Variants in UST observed in about 807,000 individuals in gnomAD.
UST encodes the protein chondroitin sulfate 2-O-sulfotransferase.
UST carries 21 observed loss-of-function variants against 45.6 expected under a neutral mutation model. The observed-to-expected ratio is 0.46, with a 90% confidence interval of 0.33 to 0.66. UST has a LOEUF of 0.66. UST is among the 30% of genes least tolerant of loss of function. The pLI, the probability that UST is intolerant of heterozygous loss-of-function variation, is 0.02. For missense variants in UST, 463 were observed against 512.4 expected, an observed-to-expected ratio of 0.90 and a Z score of 0.93; for synonymous variants, 215 against 200.6, an observed-to-expected ratio of 1.07 and a Z score of -0.61.
At chr6:148,835,056 C>T (rs1206615711) in intron 1 of UST, among the ~76,000 whole-genome samples, 2 of 152,090 alleles carry the variant, frequency 1.3e-5, no homozygotes, top group African/African-American at 2.4e-5. Flanking sequence ...GATCCCTATG[C>T]AATATACTAA....
chr6:148,781,059 C>G (rs928636151), intron 1 of UST, among the ~76,000 whole-genome samples: 4 of 152,068 alleles, frequency 2.6e-5, no homozygotes, highest in Non-Finnish European at 5.9e-5. Flanking sequence ...ACAATGGCCT[C>G]TAAGTGTTGA....
At chr6:148,813,980 G>A (rs1777311116) in intron 1 of UST, among the ~76,000 whole-genome samples, 1 of 152,056 alleles carries the variant, frequency 6.6e-6, no homozygotes, top group Non-Finnish European at 1.5e-5. Context: ...TCATTTTCAT[G>A]TCTGTAAAAA....
At chr6:148,948,943 A>C (rs1298331276) in intron 3 of UST, among the ~76,000 whole-genome samples, 2 of 152,210 alleles carry the variant, frequency 1.3e-5, no homozygotes, top group African/African-American at 4.8e-5. Context: ...GGCTTTAAGC[A>C]ACCAATGCAG....
intron 2 of UST, among the ~76,000 whole-genome samples, chr6:148,887,832 G>A (rs1778940197): frequency 6.6e-6 from 1 of 152,114 alleles, no homozygotes; most frequent in African/African-American, 2.4e-5. Flanking sequence ...CTTCAAGAAT[G>A]TTCTTTCTGG....
intron 7 of UST, among the ~76,000 whole-genome samples, chr6:149,038,642 T>TA (rs2115029831): frequency 6.6e-6 from 1 of 152,332 alleles, no homozygotes; most frequent in South Asian, 2.1e-4. Flanking sequence ...CTAATGCAGT[T>TA]AGAAGTCCTC....
At chr6:148,928,678 A>T (rs1365311012) in intron 2 of UST, among the ~76,000 whole-genome samples, 3 of 152,244 alleles carry the variant, frequency 2.0e-5, no homozygotes, top group Non-Finnish European at 4.4e-5. Flanking sequence ...TCTAGATTCC[A>T]TGCCACATTT....
At chr6:148,786,770 G>C (rs1464859348) in intron 1 of UST, among the ~76,000 whole-genome samples, 1 of 152,124 alleles carries the variant, frequency 6.6e-6, no homozygotes, top group Non-Finnish European at 1.5e-5. Flanking sequence ...ACGATTGCTG[G>C]GTCAAATGGT....
At chr6:149,068,490 A>G (rs1175670175) in intron 7 of UST, among the ~76,000 whole-genome samples, 1 of 152,204 alleles carries the variant, frequency 6.6e-6, no homozygotes. Flanking sequence ...CTATAAAAAT[A>G]TACCACAAAG....
At chr6:148,888,423 C>T (rs1297173607) in intron 2 of UST, among the ~76,000 whole-genome samples, 1 of 152,182 alleles carries the variant, frequency 6.6e-6, no homozygotes, top group African/African-American at 2.4e-5. Context: ...TTAGACCACC[C>T]CCACATTCAT....
chr6:149,062,535 A>G (rs1281489496), intron 7 of UST, among the ~76,000 whole-genome samples: 2 of 152,220 alleles, frequency 1.3e-5, no homozygotes, highest in East Asian at 1.9e-4. Context: ...CTGGCTTGCA[A>G]GTTTTTCACC....
chr6:149,000,562 A>G (rs1465866409), intron 5 of UST, among the ~76,000 whole-genome samples: 1 of 152,148 alleles, frequency 6.6e-6, no homozygotes, highest in African/African-American at 2.4e-5. Context: ...TCTAAGGAAC[A>G]TGGAAAAAAA....
chr6:148,954,958 C>T lies in UST; in HGVS notation c.527+1007C>T, dbSNP rs9404009. Among the ~76,000 whole-genome samples the T allele has an allele frequency of 7.5e-4, 114 of 152,338 alleles. 1 individual carries two copies. The East Asian group carries it at 0.019, about 25-fold the overall frequency. On this transcript the variant is annotated intron_variant, in intron 4 of 7. Coordinates refer to ENST00000367463, the MANE Select transcript of UST (RefSeq NM_005715.3). ...GCCTCACTCCTTTGCTGATGGCCCT[C>T]AGTGTTTTGCTCTCCCTGTGCTGGC... is the stretch of plus-strand genomic sequence containing the variant.
At chr6:148,766,911 C>A (rs887045522) in intron 1 of UST, among the ~76,000 whole-genome samples, 1 of 152,188 alleles carries the variant, frequency 6.6e-6, no homozygotes, top group African/African-American at 2.4e-5. Context: ...TTATCTTAAT[C>A]TATAATCTTT....
At chr6:148,816,912 C>A (rs1777366551) in intron 1 of UST, among the ~76,000 whole-genome samples, 1 of 152,170 alleles carries the variant, frequency 6.6e-6, no homozygotes, top group African/African-American at 2.4e-5. Flanking sequence ...TTACCCCCAA[C>A]AGATGCAGTC....
At chr6:148,867,532 G>A (rs1778467020) in intron 1 of UST, among the ~76,000 whole-genome samples, 1 of 152,110 alleles carries the variant, frequency 6.6e-6, no homozygotes, top group South Asian at 2.1e-4. Flanking sequence ...GATTGGGTGG[G>A]ATGGAGCTGG....
chr6:148,774,163 G>T (rs972301132), intron 1 of UST, among the ~76,000 whole-genome samples: 75 of 152,210 alleles, frequency 4.9e-4, no homozygotes, highest in African/African-American at 1.7e-3. Flanking sequence ...CCCTCAGGTA[G>T]ATCACCAACA....
rs397741900 is a variant in UST, at chr6:148,882,486, CAAAAAAA to C, written c.248-4484_248-4478del. On this transcript the variant is annotated intron_variant, in intron 1 of 7. Transcript: ENST00000367463. ...GGGCAACAAGAGCAAAACTCCATCT[CAAAAAAA>C]AAAAAAAAAAAAAAAGAGTTGTCTC... Among the ~76,000 whole-genome samples the C allele has an allele frequency of 8.8e-3, 651 of 74,148 alleles. 1 individual carries two copies. Among genetic ancestry groups the C allele is most frequent in the Middle Eastern group, 0.045 (5 of 112 alleles). The allele number at this position is 74,148 out of a possible 152,430, so 48.6% of individuals were successfully genotyped here.
At chr6:149,051,595 C>A (rs1776488527) in intron 7 of UST, among the ~76,000 whole-genome samples, 1 of 152,194 alleles carries the variant, frequency 6.6e-6, no homozygotes, top group South Asian at 2.1e-4. Flanking sequence ...TTGGTTTTGC[C>A]TAAACTACAT....
chr6:148,795,372 G>A (rs867924726), intron 1 of UST, among the ~76,000 whole-genome samples: 1 of 152,136 alleles, frequency 6.6e-6, no homozygotes, highest in Middle Eastern at 3.2e-3. Context: ...TTTAAGGGTG[G>A]CCTGGCCTGC....
Sources: allele counts gnomAD v4.1 joint callset (sites outside exome capture counted in the v4.1 genomes callset), GRCh38; gene constraint gnomAD v4.1.1; transcripts MANE v1.5; gene names NCBI Gene and HGNC (gene_info 2026-07-23, HGNC 2026-07-21).